EIF3H: variants seen among roughly 807,000 people sequenced by gnomAD.
EIF3H encodes the protein eukaryotic translation initiation factor 3 subunit H, also known as eIF-3-gamma.
In EIF3H, 26 loss-of-function variants were observed where a neutral mutation model predicts 44.2. The observed-to-expected ratio is 0.59, with a 90% CI of 0.43 to 0.82. The LOEUF is 0.82. EIF3H is among the 40% of genes least tolerant of loss of function. EIF3H has a pLI of 0.00. For synonymous variants in EIF3H, 166 were observed against 151.9 expected, an observed-to-expected ratio of 1.09 and a Z score of -0.68; for missense variants, 359 against 432.8, an observed-to-expected ratio of 0.83 and a Z score of 1.51.
intron 2 of EIF3H, among the ~76,000 whole-genome samples, chr8:116,722,879 T>C (rs866149931): frequency 4.6e-5 from 7 of 152,198 alleles, no homozygotes; most frequent in East Asian, 3.8e-4. Flanking sequence ...TGTGAAACTT[T>C]TGAAATAAAC....
rs1815435088 is a variant in EIF3H, at chr8:116,755,818, A to G, written c.-21T>C. The G allele has an allele frequency of 1.2e-6, 2 of 1,611,568 alleles. No homozygotes were observed. Among genetic ancestry groups the G allele is most frequent in the Non-Finnish European group, 1.7e-6 (2 of 1,179,920 alleles). On this transcript the variant is annotated 5_prime_UTR_variant, in exon 1 of 8. Transcript: ENST00000521861. ...GCCATCTTTCCAAGCAGACAGGAAGAAAGAGAAACGTGAGTTACCGGAAGC... is the reference window on the plus strand; with the variant it reads ...GCCATCTTTCCAAGCAGACAGGAAGGAAGAGAAACGTGAGTTACCGGAAGC...
At chr8:116,753,145 G>C (rs1815386909) in intron 1 of EIF3H, among the ~76,000 whole-genome samples, 1 of 152,100 alleles carries the variant, frequency 6.6e-6, no homozygotes, top group African/African-American at 2.4e-5. Flanking sequence ...CCTTGCAACT[G>C]CAATATAATC....
chr8:116,730,164 G>A (rs1814927521), intron 1 of EIF3H, among the ~76,000 whole-genome samples: 1 of 152,212 alleles, frequency 6.6e-6, no homozygotes, highest in Non-Finnish European at 1.5e-5. Flanking sequence ...ATGCCTTACA[G>A]TAGGATTCAT....
intron 2 of EIF3H, among the ~76,000 whole-genome samples, chr8:116,708,908 T>A (rs1020787344): frequency 8.1e-4 from 123 of 152,144 alleles, no homozygotes; most frequent in African/African-American, 2.8e-3. Context: ...CATTTTTTTA[T>A]GTTGAACAGG....
rs1563659950 is a variant in EIF3H at position 116,743,799 on chromosome 8, A to ATATATATATATATATAT, written c.132+11866_132+11867insATATATATATATATATA. ...ATATATATATATATATATATATATA[A>ATATATATATATATATAT]ACACACACACACACACACACACACA... On this transcript the variant is annotated intron_variant, in intron 1 of 7. Coordinates refer to ENST00000521861, the MANE Select transcript of EIF3H (RefSeq NM_003756.3). Among the ~76,000 whole-genome samples the ATATATATATATATATAT allele has an allele frequency of 3.8e-4, 33 of 87,036 alleles. 1 individual carries two copies. Among genetic ancestry groups the ATATATATATATATATAT allele is most frequent in the Non-Finnish European group, 6.4e-4 (27 of 42,478 alleles). The allele number at this position is 87,036 out of a possible 152,430, so 57.1% of individuals were successfully genotyped here. A position where few individuals can be genotyped will look rare whatever the true frequency, so the allele number is the denominator to read the frequency against.
At chr8:116,671,980 A>G (rs1043321412) in intron 2 of EIF3H, among the ~76,000 whole-genome samples, 4 of 152,230 alleles carry the variant, frequency 2.6e-5, no homozygotes, top group African/African-American at 9.6e-5. Flanking sequence ...CAAAACCTAA[A>G]TGCCCTTAAA....
In EIF3H at chr8:116,646,547, C is replaced by T. The variant is rs770749973; in HGVS notation, c.885G>A (p.Pro295=). 8.1e-6 allele frequency: 13 copies of T among 1,614,002 alleles called. 1 individual carries two copies. The East Asian group carries it at 8.9e-5, about 11-fold the overall frequency. ...GTTTGGACAGGTCCTCCTCAGGGAG[C>T]GGGGGTTCTCCTCGGCTCTGGCGCT... ...NMQRQSRGEP[P]LPEEDLSKLF... is the part of the protein sequence containing the mutation. The change falls in exon 7 of 8, where the codon CCG becomes CCA. Residue 295 remains proline (P), a synonymous_variant. Coordinates refer to ENST00000521861, the MANE Select transcript of EIF3H (RefSeq NM_003756.3).
At chr8:116,735,794 C>T (rs867514378) in intron 1 of EIF3H, among the ~76,000 whole-genome samples, 1 of 148,156 alleles carries the variant, frequency 6.7e-6, no homozygotes, top group Non-Finnish European at 1.5e-5. Context: ...GCGATTTGGG[C>T]ATGCAGAAAA....
chr8:116,752,795 GGGAAGGAAGGAA>G lies in EIF3H; in HGVS notation c.132+2859_132+2870del, dbSNP rs1302875837. Among the ~76,000 whole-genome samples, 19 of 80,406 alleles carry G rather than the reference GGGAAGGAAGGAA, an allele frequency of 2.4e-4. 1 individual carries two copies. In the East Asian group the frequency reaches 8.7e-3, roughly 37 times the overall value. The allele number at this position is 80,406 out of a possible 152,430, so 52.7% of individuals were successfully genotyped here. On this transcript the variant is annotated intron_variant, in intron 1 of 7. Coordinates refer to ENST00000521861, the MANE Select transcript of EIF3H (RefSeq NM_003756.3). ...AGGGAGGGAGGGAGGGAGGGAGGGA[GGGAAGGAAGGAA>G]GGAAGGAAGGAAGGAAGGAAGGAAA...
rs567046699 is a variant in EIF3H, at chr8:116,660,731, T to G, written c.290-1751A>C. On this transcript the variant is annotated intron_variant, in intron 2 of 7. Transcript: ENST00000521861. ...ATAAAAAGGAAAAAAAGTGTTAATA[T>G]AGAGGAAGTTAGGCTACTAAGGGTA... 7.2e-5 allele frequency among the ~76,000 whole-genome samples: 11 copies of G among 152,220 alleles called. No homozygotes were observed. The East Asian group carries it at 2.1e-3, about 29-fold the overall frequency.
intron 2 of EIF3H, chr8:116,696,965 C>A: frequency 2.8e-6 from 1 of 361,412 alleles, no homozygotes; most frequent in Admixed American, 3.5e-5. Context: ...ACAAAAAAAG[C>A]TAGGACACCA....
At chr8:116,747,286 G>A (rs564453645) in intron 1 of EIF3H, among the ~76,000 whole-genome samples, 4 of 152,186 alleles carry the variant, frequency 2.6e-5, no homozygotes, top group East Asian at 1.9e-4. Flanking sequence ...GGTTGGTCTC[G>A]AACTCCTGAC....
At chr8:116,678,118 T>A (rs1361156846) in intron 2 of EIF3H, among the ~76,000 whole-genome samples, 1 of 150,388 alleles carries the variant, frequency 6.6e-6, no homozygotes, top group African/African-American at 2.4e-5. Context: ...GCCTGCCGAG[T>A]GCCTGCGATT....
At chr8:116,760,817 C>T (rs1397830861), upstream of EIF3H, among the ~76,000 whole-genome samples, 5 of 152,140 alleles carry the variant, frequency 3.3e-5, no homozygotes, top group Non-Finnish European at 7.4e-5. Flanking sequence ...ATATACAAAA[C>T]CATGAGTGAA....
chr8:116,678,998 T>G, intron 2 of EIF3H, among the ~76,000 whole-genome samples: 3 of 66,870 alleles, frequency 4.5e-5, no homozygotes, highest in Admixed American at 1.3e-4. Context: ...GGTGGGGGGG[T>G]CAGCCCCCCG....
chr8:116,737,219 T>C (rs945903953), intron 1 of EIF3H: 9 of 440,432 alleles, frequency 2.0e-5, no homozygotes, highest in African/African-American at 6.1e-5. Context: ...AGGTAGGCAT[T>C]TGAAAAGATC....
chr8:116,683,127 G>A (rs1211901794), intron 2 of EIF3H, among the ~76,000 whole-genome samples: 1 of 152,176 alleles, frequency 6.6e-6, no homozygotes, highest in South Asian at 2.1e-4. Flanking sequence ...ATTATTTCAT[G>A]TTCTATGTAA....
chr8:116,725,349 T>C (rs919043182), intron 2 of EIF3H, among the ~76,000 whole-genome samples: 1 of 152,216 alleles, frequency 6.6e-6, no homozygotes, highest in African/African-American at 2.4e-5. Context: ...AGAAACCTAC[T>C]GCACAATATG....
intron 2 of EIF3H, among the ~76,000 whole-genome samples, chr8:116,695,551 A>C (rs774501490): frequency 9.2e-5 from 14 of 152,222 alleles, no homozygotes; most frequent in Non-Finnish European, 1.8e-4. Context: ...TAGACCATGC[A>C]AGAAAGGAAT....
Sources: gnomAD v4.1 joint callset for allele counts (sites outside exome capture counted in the v4.1 genomes callset) on GRCh38, gnomAD v4.1.1 for gene constraint, MANE v1.5 for transcripts, NCBI Gene and HGNC (gene_info 2026-07-23, HGNC 2026-07-21) for gene names.